The following CAPS2 variants were observed in gnomAD, a reference collection of about 807,000 sequenced individuals.
CAPS2 encodes calcyphosine 2.
CAPS2 carries 98 observed loss-of-function variants against 86.5 expected under a neutral mutation model. The ratio of observed to expected loss-of-function variants is 1.13; its 90% CI spans 0.96 to 1.34. The LOEUF (loss-of-function observed/expected upper bound fraction) is 1.34, where lower values mean the gene tolerates loss of function less well. Ranked by LOEUF, CAPS2 falls within the 40% of genes most tolerant of loss-of-function variation. The pLI is 0.00. For missense variants in CAPS2, 729 were observed against 686.8 expected (o/e 1.06, Z -0.69); for synonymous variants, 210 against 225.1 (o/e 0.93, Z 0.60).
At chr12:75,307,506 A>G (rs2138706205) in intron 7 of CAPS2, among the ~76,000 whole-genome samples, 1 of 152,340 alleles carries the variant, frequency 6.6e-6, no homozygotes, top group South Asian at 2.1e-4. Flanking sequence ...TAGGGTGACT[A>G]TAGTTACAAT....
intron 7 of CAPS2, chr12:75,305,986 C>T: frequency 7.1e-7 from 1 of 1,412,772 alleles, no homozygotes; most frequent in Non-Finnish European, 9.8e-7. Context: ...ACAGCAGGGT[C>T]CTGACAGGCC....
rs116609528 is a variant in CAPS2, at chr12:75,316,425, C to A, written c.478G>T (p.Asp160Tyr). Residue 160 changes from aspartate to tyrosine, a missense_variant, in exon 6 of 17, where the codon GAT becomes TAT. Asp to Tyr is a radical substitution (Grantham distance 160, BLOSUM62 -3). Coordinates refer to ENST00000393284, the Ensembl canonical transcript of CAPS2. The stretch of plus-strand genomic sequence containing the variant: ...AGGTCATCTGTGTTGGCTTCTTCAT[C>A]TTGCACACACTATGCATGAAAGAAA... 169 of 1,546,004 alleles carry A rather than the reference C, an allele frequency of 1.1e-4. No individual in the cohort carries two copies. In the African/African-American group the frequency reaches 2.1e-3, roughly 20 times the overall value.
In CAPS2 at chr12:75,343,507, T is replaced by C. The variant is rs1367558242; in HGVS notation, c.-394-20285A>G. Among the ~76,000 whole-genome samples, 5 of 152,164 alleles carry C rather than the reference T, an allele frequency of 3.3e-5. No homozygotes were observed. In the East Asian group the frequency reaches 9.6e-4, roughly 29 times the overall value. ...TAACAATGAACTGTCATAGAGTGAG[T>C]ATAAATAAGTATTTCTGAAGTAGAA... On this transcript the variant is annotated intron_variant, in intron 1 of 5. Coordinates refer to the CAPS2 transcript ENST00000551829.
intron 8 of CAPS2, among the ~76,000 whole-genome samples, chr12:75,300,352 C>T (rs748556046): frequency 4.0e-5 from 6 of 151,646 alleles, no homozygotes; most frequent in African/African-American, 2.4e-5. Flanking sequence ...GTCAGGAGAT[C>T]GAGACCATCT....
chr12:75,296,863 A>G (rs1314359113), intron 11 of CAPS2, among the ~76,000 whole-genome samples: 1 of 152,194 alleles, frequency 6.6e-6, no homozygotes, highest in Non-Finnish European at 1.5e-5. Flanking sequence ...AATGGAGAAG[A>G]GTGCTTTTAC....
intron 1 of CAPS2, among the ~76,000 whole-genome samples, chr12:75,348,322 A>T (rs1296951081): frequency 1.3e-5 from 2 of 152,212 alleles, no homozygotes; most frequent in Non-Finnish European, 2.9e-5. Context: ...AAAAACAAAG[A>T]CAAAGAATAA....
rs571293157 is a variant in CAPS2, at chr12:75,377,740, A to G, written c.-395+13098T>C. 3.2e-4 allele frequency among the ~76,000 whole-genome samples: 49 copies of G among 152,052 alleles called. 1 individual carries two copies. The highest frequency in any genetic ancestry group is 1.1e-3 in the African/African-American group (46 of 41,470). ...CTGCCTCTCCCAGTCCACTGACTCA[A>G]ATGTTAATCTCCTTTAGCAACACTC... is the stretch of plus-strand genomic sequence containing the variant. On this transcript the variant is annotated intron_variant, in intron 1 of 5. Coordinates refer to the CAPS2 transcript ENST00000551829.
chr12:75,279,130 A>T, intron 16 of CAPS2, 65 bp from the exon 17 acceptor site: 7 of 1,295,362 alleles, frequency 5.4e-6, no homozygotes, highest in Non-Finnish European at 6.3e-6. Context: ...TGATGATGAT[A>T]AAGGAATACT....
intron 16 of CAPS2, among the ~76,000 whole-genome samples, chr12:75,280,594 G>A (rs922551424): frequency 9.2e-5 from 14 of 151,574 alleles, no homozygotes; most frequent in Admixed American, 3.3e-4. Flanking sequence ...AAACTATTTC[G>A]TTCTTATATT....
chr12:75,299,200 T>A (rs1274123537), intron 9 of CAPS2, among the ~76,000 whole-genome samples: 1 of 152,208 alleles, frequency 6.6e-6, no homozygotes, highest in African/African-American at 2.4e-5. Context: ...AAAGTGGATA[T>A]ATTTACGATG....
chr12:75,357,554 T>C (rs1326941377), intron 1 of CAPS2, among the ~76,000 whole-genome samples: 1 of 152,134 alleles, frequency 6.6e-6, no homozygotes, highest in Non-Finnish European at 1.5e-5. Context: ...CAGAGGAATA[T>C]ATATTTCTTC....
At chr12:75,387,061 G>C (rs1415250255) in intron 1 of CAPS2, among the ~76,000 whole-genome samples, 1 of 152,086 alleles carries the variant, frequency 6.6e-6, no homozygotes, top group East Asian at 1.9e-4. Flanking sequence ...TCGATAAGCT[G>C]GGTGCCATTA....
chr12:75,294,590 T>C (rs186888544), intron 11 of CAPS2, among the ~76,000 whole-genome samples: 2 of 152,272 alleles, frequency 1.3e-5, no homozygotes, highest in Non-Finnish European at 2.9e-5. Flanking sequence ...CACAAAGATA[T>C]GAAAAGTTTG....
chr12:75,330,034 C>CTA (rs1476178982), upstream of CAPS2: 2 of 512,328 alleles, frequency 3.9e-6, no homozygotes, highest in East Asian at 6.5e-5. Flanking sequence ...ACAGGACAGT[C>CTA]TAGACAGTCC....
At chr12:75,339,883 G>A (rs1282415081) in intron 1 of CAPS2, among the ~76,000 whole-genome samples, 1 of 151,932 alleles carries the variant, frequency 6.6e-6, no homozygotes, top group Non-Finnish European at 1.5e-5. Flanking sequence ...CCCAAGCAGT[G>A]CCCAATGTGT....
chr12:75,310,681 G>A (rs1459047105), intron 7 of CAPS2, among the ~76,000 whole-genome samples: 1 of 151,948 alleles, frequency 6.6e-6, no homozygotes, highest in Non-Finnish European at 1.5e-5. Flanking sequence ...GACTTGCTTT[G>A]GTCAGTTACA....
At chr12:75,358,853 A>G (rs1263988417) in intron 1 of CAPS2, among the ~76,000 whole-genome samples, 1 of 144,592 alleles carries the variant, frequency 6.9e-6, no homozygotes, top group Non-Finnish European at 1.5e-5. Context: ...AATATATTAT[A>G]TATGGTTTAA....
At chr12:75,371,444 A>G (rs1407028738) in intron 1 of CAPS2, 2 of 340,252 alleles carry the variant, frequency 5.9e-6, no homozygotes, top group Non-Finnish European at 1.2e-5. Context: ...TCCTTTGGCA[A>G]TACTCTCACA....
chr12:75,330,694 G>C (rs1281606801), upstream of CAPS2, among the ~76,000 whole-genome samples: 16 of 151,978 alleles, frequency 1.1e-4, no homozygotes, highest in Non-Finnish European at 2.4e-4. Context: ...ATATATGTAT[G>C]TGTATTTGTG....
Sources: gnomAD v4.1 joint callset for allele counts (sites outside exome capture counted in the v4.1 genomes callset) on GRCh38, gnomAD v4.1.1 for gene constraint, MANE v1.5 for transcripts, NCBI Gene and HGNC (gene_info 2026-07-23, HGNC 2026-07-21) for gene names.